DOCK9: variants seen among roughly 807,000 people sequenced by gnomAD.
The protein encoded by DOCK9 is dedicator of cytokinesis protein 9.
A neutral mutation model predicts 263.3 loss-of-function variants in DOCK9; 89 were observed. That is an observed-to-expected ratio of 0.34 (90% CI 0.28 to 0.40). DOCK9 has a LOEUF of 0.40. Among genes scored for constraint, DOCK9 ranks in the 10% least tolerant of loss-of-function variants. DOCK9 has a pLI of 1.00. For synonymous variants in DOCK9, 976 were observed against 973.1 expected (o/e 1.00, Z -0.06); for missense variants, 2,140 against 2,603.4 (o/e 0.82, Z 3.87).
intron 1 of DOCK9, among the ~76,000 whole-genome samples, chr13:98,974,748 CAAAAAA>C (rs57196019): frequency 1.2e-4 from 4 of 33,204 alleles, no homozygotes; most frequent in African/African-American, 3.3e-4. Context: ...AACTCTGTCT[CAAAAAA>C]AAAAAAAAAA....
intron 48 of DOCK9, among the ~76,000 whole-genome samples, chr13:98,806,060 T>C (rs956067477): frequency 1.4e-4 from 21 of 152,188 alleles, no homozygotes; most frequent in African/African-American, 5.1e-4. Flanking sequence ...CAGTCTGGAT[T>C]TCTCTGATTG....
At chr13:98,834,386 A>G (rs1043481521) in intron 39 of DOCK9, 8 of 152,200 alleles carry the variant, frequency 5.3e-5, no homozygotes, top group African/African-American at 1.4e-4. Flanking sequence ...ATGCTTGCCA[A>G]TCACTAAGAC....
chr13:98,964,759 C>T (rs548342647), intron 1 of DOCK9, among the ~76,000 whole-genome samples: 1 of 152,178 alleles, frequency 6.6e-6, no homozygotes, highest in East Asian at 1.9e-4. Flanking sequence ...ATTGGAAATC[C>T]AAGGTGATGG....
At chr13:98,893,731 A>C (rs370851540) in intron 15 of DOCK9, among the ~76,000 whole-genome samples, 1 of 152,218 alleles carries the variant, frequency 6.6e-6, no homozygotes, top group Non-Finnish European at 1.5e-5. Flanking sequence ...TTTCCTGTAA[A>C]ATATACAGAG....
rs1415083374 is a variant in DOCK9, at chr13:99,023,176, G to A, written c.129+63047C>T. On this transcript the variant is annotated intron_variant, in intron 1 of 32. Transcript: ENST00000427887. ...ATGTGCACACCCACGTTCATAGGCA[G>A]CATTATTCACAATAGTCAGCGTTAT... Among the ~76,000 whole-genome samples, 4 of 152,206 alleles carry A rather than the reference G, an allele frequency of 2.6e-5. No individual in the cohort carries two copies. The East Asian group carries it at 5.8e-4, about 22-fold the overall frequency.
At chr13:98,969,246 T>C (rs1436976687) in intron 1 of DOCK9, among the ~76,000 whole-genome samples, 1 of 152,180 alleles carries the variant, frequency 6.6e-6, no homozygotes, top group Admixed American at 6.5e-5. Context: ...CCACGTCCCA[T>C]GTAAGTCCAG....
At chr13:98,904,852 G>C in intron 9 of DOCK9, 146 bp from the exon 10 acceptor site, 2 of 649,348 alleles carry the variant, frequency 3.1e-6, no homozygotes, top group Non-Finnish European at 5.2e-6. Context: ...GTGTGCCAGG[G>C]AGTGTGCAGC....
intron 1 of DOCK9, among the ~76,000 whole-genome samples, chr13:98,958,203 C>T (rs1036630972): frequency 6.6e-6 from 1 of 152,230 alleles, no homozygotes; most frequent in Non-Finnish European, 1.5e-5. Context: ...GGCACACCCT[C>T]CAGGAAGCTG....
intron 1 of DOCK9, among the ~76,000 whole-genome samples, chr13:99,051,541 T>C (rs994256824): frequency 6.6e-6 from 1 of 152,088 alleles, no homozygotes; most frequent in African/African-American, 2.4e-5. Context: ...AATACATCTT[T>C]TCAATACCCA....
chr13:98,809,416 G>C lies in DOCK9; in HGVS notation c.5303C>G (p.Thr1768Ser). The C allele has an allele frequency of 6.2e-7, 1 of 1,613,552 alleles. No individual in the cohort carries two copies. The highest frequency in any genetic ancestry group is 8.5e-7 in the Non-Finnish European group (1 of 1,179,768). Residue 1768 changes from threonine (T) to serine (S), a missense_variant, in exon 47 of 53, where the codon ACC becomes AGC. Thr to Ser is a moderately conservative substitution (Grantham distance 58, BLOSUM62 1). Around this residue, in one of 2 missense-constraint regions of DOCK9, gnomAD observed 619 missense variants for 861.8 expected, o/e 0.72. Coordinates refer to ENST00000682017, the MANE Select transcript of DOCK9 (RefSeq NM_001366683.2). Reference sequence around the variant, plus strand: ...CCTGCGGCCCGAGTGCATGACCTCGGTCACTTTGCTGTAGGCCCGGTGCAG... The same window carrying C: ...CCTGCGGCCCGAGTGCATGACCTCGCTCACTTTGCTGTAGGCCCGGTGCAG... Reference protein sequence around the residue: ...DTLHRAYSKVTEVMHSGRRLL... With the variant: ...DTLHRAYSKVSEVMHSGRRLL...
At chr13:99,042,763 T>C (rs729434) in intron 1 of DOCK9, among the ~76,000 whole-genome samples, 12,680 of 152,296 alleles carry the variant, frequency 0.083, 658 homozygotes, top group East Asian at 0.2. Context: ...GGGCCAAAGA[T>C]TGTCCCTAGG....
chr13:98,888,785 C>G, intron 15 of DOCK9, 74 bp from the exon 16 acceptor site: 1 of 1,290,300 alleles, frequency 7.8e-7, no homozygotes, highest in African/African-American at 1.5e-5. Context: ...GCAGCACTTC[C>G]AAGAGAAATA....
chr13:98,885,570 G>T, intron 20 of DOCK9, 138 bp downstream of exon 20: 4 of 877,064 alleles, frequency 4.6e-6, no homozygotes, highest in Non-Finnish European at 4.9e-6. Context: ...ATGCAACCCA[G>T]ACATGCTACA....
rs551298691 is a variant in DOCK9 at position 98,797,442 on chromosome 13, T to C, written c.5964A>G (p.Thr1988=). Residue 1988 remains threonine, a synonymous_variant, in exon 51 of 53, where the codon ACA becomes ACG. Coordinates refer to ENST00000682017, the MANE Select transcript of DOCK9 (RefSeq NM_001366683.2). ...TATTGTCAGGATATCGCTTTGTGTT[T>C]GTATCATCTAAGAAAGCTCGCGCAT... ...LAYARAFLDD[T]NTKRYPDNKV... The C allele has an allele frequency of 8.2e-5, 132 of 1,613,616 alleles. No individual in the cohort carries two copies. Among genetic ancestry groups the C allele is most frequent in the Admixed American group, 8.0e-4 (48 of 59,994 alleles).
intron 1 of DOCK9, among the ~76,000 whole-genome samples, chr13:99,002,966 A>AGGAAGAGC (rs11280975): frequency 0.52 from 78,920 of 151,488 alleles, 20,809 homozygotes; most frequent in South Asian, 0.68. Flanking sequence ...GTAAATAGAC[A>AGGAAGAGC]TGGAAACGGC....
intron 1 of DOCK9, among the ~76,000 whole-genome samples, chr13:99,081,777 T>C (rs950690336): frequency 9.9e-5 from 15 of 152,232 alleles, no homozygotes; most frequent in African/African-American, 3.6e-4. Flanking sequence ...CTTTCTAGCT[T>C]TTCTTCTGAG....
intron 33 of DOCK9, chr13:98,857,527 G>A (rs1348773123): frequency 2.0e-5 from 3 of 152,244 alleles, no homozygotes; most frequent in African/African-American, 7.2e-5. Flanking sequence ...CTGACCTCAG[G>A]TGATCTGCCC....
intron 5 of DOCK9, among the ~76,000 whole-genome samples, chr13:98,922,651 T>G (rs1264941567): frequency 6.6e-6 from 1 of 152,186 alleles, no homozygotes; most frequent in Admixed American, 6.5e-5. Flanking sequence ...TAAAAATAAT[T>G]TGCTACATGC....
chr13:99,038,288 C>CCGCTTTTTTTTTTTT (rs1888110933), intron 1 of DOCK9, among the ~76,000 whole-genome samples: 1 of 86,264 alleles, frequency 1.2e-5, no homozygotes, highest in African/African-American at 4.6e-5. Context: ...TTATGCCCCC[C>CCGCTTTTTTTTTTTT]TTTTTTTTTT....
Sources: gnomAD v4.1 joint callset for allele counts (sites outside exome capture counted in the v4.1 genomes callset) on GRCh38, gnomAD v4.1.1 for gene constraint, gnomAD v4.1.1 regional missense constraint, MANE v1.5 for transcripts, NCBI Gene and HGNC (gene_info 2026-07-23, HGNC 2026-07-21) for gene names.